Variants in CTNNA1 observed in about 807,000 individuals in gnomAD.
The protein encoded by CTNNA1 is catenin alpha-1.
In CTNNA1, 37 loss-of-function variants were observed where a neutral mutation model predicts 98.4. The observed-to-expected ratio is 0.38, with a 90% confidence interval of 0.29 to 0.49. The LOEUF (loss-of-function observed/expected upper bound fraction) is 0.49. Among genes scored for constraint, CTNNA1 ranks in the 20% least tolerant of loss-of-function variants. CTNNA1 has a pLI of 0.95. For missense variants in CTNNA1, 761 were observed against 1,147.2 expected (o/e 0.66, Z 4.86); for synonymous variants, 404 against 413.2 (o/e 0.98, Z 0.27).
chr5:138,880,673 C>G (rs961163456), intron 7 of CTNNA1: 2 of 174,550 alleles, frequency 1.1e-5, no homozygotes, highest in African/African-American at 4.8e-5. Flanking sequence ...TTCCTCTTAC[C>G]TACATAGATG....
chr5:138,933,775 T>C, intron 17 of CTNNA1, 27 bp from the exon 18 acceptor site: 2 of 1,606,614 alleles, frequency 1.2e-6, no homozygotes, highest in Non-Finnish European at 1.7e-6. Flanking sequence ...AGGCCGGTGC[T>C]TCTTACCACC....
chr5:138,859,744 C>T (rs1022576557), intron 7 of CTNNA1, among the ~76,000 whole-genome samples: 2 of 152,026 alleles, frequency 1.3e-5, no homozygotes, highest in African/African-American at 4.8e-5. Context: ...CCCATCTCTA[C>T]AATAAATACA....
intron 7 of CTNNA1, among the ~76,000 whole-genome samples, chr5:138,876,482 T>C (rs942372980): frequency 1.3e-5 from 2 of 152,264 alleles, no homozygotes; most frequent in African/African-American, 4.8e-5. Flanking sequence ...TTTAGTGTTA[T>C]ATAAATGCAA....
chr5:138,810,695 A>G (rs1272127193), intron 4 of CTNNA1, among the ~76,000 whole-genome samples: 1 of 152,222 alleles, frequency 6.6e-6, no homozygotes, highest in Non-Finnish European at 1.5e-5. Flanking sequence ...ACTTCTTTCT[A>G]CACAGACACG....
At chr5:138,887,288 G>GTAAT (rs1396330180) in intron 8 of CTNNA1, among the ~76,000 whole-genome samples, 1 of 152,098 alleles carries the variant, frequency 6.6e-6, no homozygotes, top group Admixed American at 6.5e-5. Context: ...TGTAACTGTA[G>GTAAT]TAATGTAAAC....
intron 3 of CTNNA1, among the ~76,000 whole-genome samples, chr5:138,791,195 C>T (rs765601575): frequency 2.6e-5 from 4 of 152,084 alleles, no homozygotes; most frequent in Non-Finnish European, 5.9e-5. Flanking sequence ...TTTTGGCTTT[C>T]AGGTCATTCC....
In CTNNA1 at chr5:138,934,949, CA is replaced by C. The variant is rs1443657173; in HGVS notation, c.*861del. On this transcript the variant is annotated 3_prime_UTR_variant, in exon 18 of 18. Coordinates refer to ENST00000302763, the MANE Select transcript of CTNNA1 (RefSeq NM_001903.5). ...TTAACTACAAGGTATAATTTACTATCACCTTATTTAAATTTTATGAATTAAT... is the reference window on the plus strand; with the variant it reads ...TTAACTACAAGGTATAATTTACTATCCCTTATTTAAATTTTATGAATTAAT... 2.0e-5 allele frequency: 3 copies of C among 152,430 alleles called. No homozygotes were observed. The highest frequency in any genetic ancestry group is 7.2e-5 in the African/African-American group (3 of 41,446). The allele number at this position is 152,430 out of a possible 1,614,324, so 9.4% of individuals were successfully genotyped here.
intron 7 of CTNNA1, among the ~76,000 whole-genome samples, chr5:138,877,124 C>T (rs1372019808): frequency 6.6e-6 from 1 of 152,192 alleles, no homozygotes; most frequent in Non-Finnish European, 1.5e-5. Context: ...AGTAATGAGC[C>T]TGCACTAGTA....
Position 138,929,369 on chromosome 5 carries a change from T to A in CTNNA1, c.2010+13T>A. ...CCAGAGTGCCCGGGTAAGGAAGCGCTCCGTGGGGCAGTTCAGCTTGTGCTG... is the reference window on the plus strand; with the variant it reads ...CCAGAGTGCCCGGGTAAGGAAGCGCACCGTGGGGCAGTTCAGCTTGTGCTG... On this transcript the variant is annotated intron_variant, in intron 14 of 17. Coordinates refer to ENST00000302763, the MANE Select transcript of CTNNA1 (RefSeq NM_001903.5). 7.3e-7 allele frequency: 1 copy of A among 1,362,522 alleles called. No individual in the cohort carries two copies. The highest frequency in any genetic ancestry group is 1.1e-6 in the Non-Finnish European group (1 of 950,420). The allele number at this position is 1,362,522 out of a possible 1,614,324, so 84.4% of individuals were successfully genotyped here.
chr5:138,886,150 T>C lies in CTNNA1; in HGVS notation c.1063-62T>C, dbSNP rs1175978857. 3.8e-6 allele frequency: 6 copies of C among 1,566,000 alleles called. No homozygotes were observed. In the African/African-American group the frequency reaches 4.1e-5, roughly 11 times the overall value. On this transcript the variant is annotated intron_variant, in intron 7 of 17. Transcript: ENST00000302763. ...GTGTTGACATGAGCACAAATGGCTA[T>C]AGGCTATCATTAGGTTTCTTTGTAA...
At chr5:138,812,345 C>A in intron 5 of CTNNA1, 43 bp downstream of exon 5, 1 of 1,590,262 alleles carries the variant, frequency 6.3e-7, no homozygotes, top group South Asian at 1.2e-5. Flanking sequence ...GTTCATTTTA[C>A]TATCTAGAGG....
At chr5:138,844,898 T>G (rs1762578866) in intron 7 of CTNNA1, among the ~76,000 whole-genome samples, 1 of 152,170 alleles carries the variant, frequency 6.6e-6, no homozygotes, top group African/African-American at 2.4e-5. Flanking sequence ...GCAAACCTCT[T>G]GGCTTGGTGG....
chr5:138,845,709 G>A (rs1762652487), intron 7 of CTNNA1, among the ~76,000 whole-genome samples: 1 of 152,126 alleles, frequency 6.6e-6, no homozygotes. Flanking sequence ...TGTGATCCTT[G>A]AGGCATAAGG....
Position 138,874,844 on chromosome 5 carries a change from G to A in CTNNA1, c.1063-11368G>A. ...ATTTCCCTCATAAAATGTGAATTCG[G>A]TAGCTTATTTTAAAAGCGTGATTCC... On this transcript the variant is annotated intron_variant, in intron 7 of 17. Coordinates refer to ENST00000302763, the MANE Select transcript of CTNNA1 (RefSeq NM_001903.5). This position sits in a 1 kb window ranked among gnomAD's most constrained non-coding sequence, Gnocchi z 4.1. The A allele has an allele frequency of 1.4e-6, 2 of 1,471,726 alleles. No individual in the cohort carries two copies. The highest frequency in any genetic ancestry group is 3.7e-5 in the Admixed American group (2 of 54,404). The allele number at this position is 1,471,726 out of a possible 1,614,324, so 91.2% of individuals were successfully genotyped here.
chr5:138,808,938 CAG>C (rs1420204797), intron 3 of CTNNA1, among the ~76,000 whole-genome samples: 3 of 152,026 alleles, frequency 2.0e-5, no homozygotes, highest in East Asian at 3.8e-4. Context: ...ACACAAATGA[CAG>C]AAAGTATAAG....
chr5:138,905,361 AGG>A (rs900329436), intron 10 of CTNNA1, among the ~76,000 whole-genome samples: 5 of 151,962 alleles, frequency 3.3e-5, no homozygotes, highest in African/African-American at 1.2e-4. Flanking sequence ...AGTCTCCTTG[AGG>A]GAGAGTCTAC....
At position 138,935,018 on chromosome 5, in the gene CTNNA1, A is replaced by T. The variant is rs1766248074; in HGVS notation, c.*929A>T. 2.6e-5 allele frequency: 4 copies of T among 152,252 alleles called. No homozygotes were observed. The highest frequency in any genetic ancestry group is 6.5e-5 in the Admixed American group (1 of 15,290). 9.4% of individuals were successfully genotyped at this position (152,252 alleles called of 1,614,324 possible). A position where few individuals can be genotyped will look rare whatever the true frequency, so the allele number is the denominator to read the frequency against. ...TAACTAACTTTTCCCAATAAAGTCC[A>T]CTATGAAACCACGACATCCAAGAGC... On this transcript the variant is annotated 3_prime_UTR_variant, in exon 18 of 18. Coordinates refer to ENST00000302763, the MANE Select transcript of CTNNA1 (RefSeq NM_001903.5).
intron 7 of CTNNA1, chr5:138,872,146 A>C (rs1428313240): frequency 1.3e-5 from 2 of 152,394 alleles, no homozygotes; most frequent in Non-Finnish European, 2.9e-5. Flanking sequence ...AATATCTTCT[A>C]AATCTTTTTT....
chr5:138,763,320 C>T (rs1379353660), intron 1 of CTNNA1, among the ~76,000 whole-genome samples: 3 of 152,178 alleles, frequency 2.0e-5, no homozygotes, highest in Non-Finnish European at 4.4e-5. Context: ...CCCTGTGCGG[C>T]TCTGTTACAT....
Sources: allele counts gnomAD v4.1 joint callset (sites outside exome capture counted in the v4.1 genomes callset), GRCh38; gene constraint gnomAD v4.1.1; non-coding constraint Gnocchi (gnomAD v3.1); transcripts MANE v1.5; gene names NCBI Gene and HGNC (gene_info 2026-07-23, HGNC 2026-07-21).